The following SCAP variants were observed in gnomAD, a reference collection of about 807,000 sequenced individuals.
SCAP encodes the protein SREBF chaperone, also known as sterol regulatory element-binding protein cleavage-activating protein.
In SCAP, 65 loss-of-function variants were observed where a neutral mutation model predicts 123.6. That is an observed-to-expected ratio of 0.53 (90% CI 0.43 to 0.65). SCAP has a LOEUF of 0.65. SCAP is among the 30% of genes least tolerant of loss of function. The probability of loss-of-function intolerance (pLI) is 0.00; values close to 1 mark genes in which losing one functional copy is unlikely to be tolerated. For synonymous variants in SCAP, 740 were observed against 726.3 expected, an observed-to-expected ratio of 1.02 and a Z score of -0.30; for missense variants, 1,398 against 1,712.5, an observed-to-expected ratio of 0.82 and a Z score of 3.24.
At chr3:47,424,796 G>A (rs1706053072) in intron 8 of SCAP, among the ~76,000 whole-genome samples, 1 of 152,144 alleles carries the variant, frequency 6.6e-6, no homozygotes, top group East Asian at 1.9e-4. Flanking sequence ...CATACGACCA[G>A]CCTGATGGGC....
In SCAP at chr3:47,414,909, G is replaced by A; in HGVS notation, c.3224C>T (p.Pro1075Leu). ...TGTGATGGGTTTTTGGTGTGCACAG[G>A]GCACTGTGTGGGTCAGGTGACAGGC... is the stretch of plus-strand genomic sequence containing the variant. ...TVACHLTHTVPCAHQKPITAL... is the reference protein window; with the variant it reads ...TVACHLTHTVLCAHQKPITAL... The change falls in exon 20 of 23, where the codon CCC becomes CTC. Residue 1075 changes from proline to leucine, a missense_variant. Physicochemically the swap from Pro to Leu is moderately conservative, Grantham distance 98 (BLOSUM62 -3). This residue lies in a region of SCAP where 828 missense variants were observed against 882.5 expected (regional missense o/e 0.94). Coordinates refer to ENST00000265565, the MANE Select transcript of SCAP (RefSeq NM_012235.4). The A allele has an allele frequency of 6.2e-7, 1 of 1,612,834 alleles. No homozygotes were observed. The highest frequency in any genetic ancestry group is 8.5e-7 in the Non-Finnish European group (1 of 1,179,828).
intron 18 of SCAP, among the ~76,000 whole-genome samples, chr3:47,416,887 A>G (rs2107756658): frequency 6.6e-6 from 1 of 151,406 alleles, no homozygotes; most frequent in South Asian, 2.1e-4. Flanking sequence ...CGGCCTCCCA[A>G]AGTGCTGGGA....
rs905490923 is a variant in SCAP at position 47,422,549 on chromosome 3, G to C, written c.1151-13C>G. ...TCGCTGCTTAGGCCTGCAGAGGGCA[G>C]CAACAGGGCACAGGGCAACACATGG... On this transcript the variant is annotated splice_polypyrimidine_tract_variant and intron_variant, in intron 9 of 22. Transcript: ENST00000265565. 5.6e-6 allele frequency: 9 copies of C among 1,604,398 alleles called. No individual in the cohort carries two copies. The highest frequency in any genetic ancestry group is 7.7e-6 in the Non-Finnish European group (9 of 1,173,428).
chr3:47,446,292 GC>G (rs1299742660), intron 1 of SCAP, among the ~76,000 whole-genome samples: 1 of 151,750 alleles, frequency 6.6e-6, no homozygotes, highest in Non-Finnish European at 1.5e-5. Context: ...TCCTGCCTCA[GC>G]CTACCAAGTA....
At position 47,422,474 on chromosome 3, in the gene SCAP, TGAG is replaced by T. The variant is rs1705945720; in HGVS notation, c.1210_1212del (p.Leu404del). On this transcript the variant is annotated inframe_deletion, in exon 10 of 23. Coordinates refer to ENST00000265565, the MANE Select transcript of SCAP (RefSeq NM_012235.4). ...GCGGGCACTAGGGTGAAGTAGCCGA[TGAG>T]GATGATGCCCAGCTCCGTGGCCATG... 6.2e-7 allele frequency: 1 copy of T among 1,613,688 alleles called. No individual in the cohort carries two copies. Among genetic ancestry groups the T allele is most frequent in the African/African-American group, 1.3e-5 (1 of 74,932 alleles).
intron 9 of SCAP, among the ~76,000 whole-genome samples, chr3:47,423,020 T>A (rs559650722): frequency 2.6e-5 from 4 of 152,222 alleles, no homozygotes; most frequent in Non-Finnish European, 5.9e-5. Flanking sequence ...GCTATCACAC[T>A]GTCGCATGTC....
chr3:47,418,064 T>C, intron 16 of SCAP, 70 bp downstream of exon 16: 3 of 941,384 alleles, frequency 3.2e-6, no homozygotes, highest in East Asian at 7.5e-5. Context: ...GGAGGGGAGA[T>C]ACGTGGCGGC....
chr3:47,418,626 T>TTACCCCC, intron 14 of SCAP, 29 bp downstream of exon 14: 4 of 1,459,540 alleles, frequency 2.7e-6, no homozygotes, highest in Non-Finnish European at 2.8e-6. Context: ...CCGCACTCTT[T>TTACCCCC]CCCACCCCAC....
At position 47,439,195 on chromosome 3, in the gene SCAP, G is replaced by A. The variant is rs1706704977; in HGVS notation, c.122+3677C>T. Among the ~76,000 whole-genome samples the A allele has an allele frequency of 6.6e-6, 1 of 152,076 alleles. No homozygotes were observed. Among genetic ancestry groups the A allele is most frequent in the Non-Finnish European group, 1.5e-5 (1 of 68,006 alleles). On this transcript the variant is annotated intron_variant, in intron 2 of 22. Transcript: ENST00000265565. This position sits in a 1 kb window ranked among gnomAD's most constrained non-coding sequence, Gnocchi z 4.0. ...AGGCTGAAGTGGGCAGGTTACTTGA[G>A]GTCAGGAGTTTGACACCAGTCTGGC...
intron 4 of SCAP, among the ~76,000 whole-genome samples, chr3:47,427,929 T>C (rs987163469): frequency 4.6e-5 from 7 of 152,142 alleles, no homozygotes; most frequent in African/African-American, 1.4e-4. Flanking sequence ...TATAAGAGCA[T>C]GCACAACCCC....
intron 1 of SCAP, among the ~76,000 whole-genome samples, chr3:47,472,391 G>A (rs1485005391): frequency 4.7e-5 from 7 of 149,598 alleles, no homozygotes; most frequent in Admixed American, 6.7e-5. Context: ...CCGAGATTGC[G>A]CCACTGCAGT....
In SCAP at chr3:47,443,299, CT is replaced by C. The variant is rs1174267855; in HGVS notation, c.-98-209del. ...ACACTCTCTCTCTCTCTCTCTCTCT[CT>C]CTCTCTCTCTCCCTCCCCGCCCAAC... On this transcript the variant is annotated intron_variant, in intron 1 of 22. Transcript: ENST00000265565. The C allele has an allele frequency of 6.2e-4, 133 of 213,656 alleles. 1 individual carries two copies. The highest frequency in any genetic ancestry group is 9.1e-4 in the Admixed American group (18 of 19,688). The allele number at this position is 213,656 out of a possible 1,614,324, so 13.2% of individuals were successfully genotyped here.
At chr3:47,421,051 A>AT in intron 10 of SCAP, 22 bp from the exon 11 acceptor site, 1 of 1,595,356 alleles carries the variant, frequency 6.3e-7, no homozygotes, top group Non-Finnish European at 8.6e-7. Flanking sequence ...GCACATGGGG[A>AT]TGGGGGGGTG....
intron 21 of SCAP, 41 bp from the exon 22 acceptor site, chr3:47,414,427 A>G: frequency 6.2e-7 from 1 of 1,608,668 alleles, no homozygotes; most frequent in Non-Finnish European, 8.5e-7. Context: ...CCATGGTGTA[A>G]TACCTCTGTC....
At chr3:47,429,500 C>T (rs949529077) in intron 3 of SCAP, among the ~76,000 whole-genome samples, 11 of 152,200 alleles carry the variant, frequency 7.2e-5, no homozygotes, top group Non-Finnish European at 1.5e-5. Context: ...GTGTGTGCAC[C>T]ACCACCACGC....
rs1706152874 is a variant in SCAP, at chr3:47,426,782, AC to A, written c.737+374del. On this transcript the variant is annotated intron_variant, in intron 6 of 22. Coordinates refer to ENST00000265565, the MANE Select transcript of SCAP (RefSeq NM_012235.4). The stretch of plus-strand genomic sequence containing the variant: ...AGGCCTAGGAGAGCCGATCAGAAGC[AC>A]CTCGAGTGCCCTTGCCAATTGGGGA... Among the ~76,000 whole-genome samples the A allele has an allele frequency of 4.6e-5, 7 of 152,252 alleles. No homozygotes were observed. In the South Asian group the frequency reaches 1.5e-3, roughly 32 times the overall value.
chr3:47,420,717 G>A lies in SCAP; in HGVS notation c.1400C>T (p.Pro467Leu). 6.2e-7 allele frequency: 1 copy of A among 1,611,380 alleles called. No homozygotes were observed. The highest frequency in any genetic ancestry group is 8.5e-7 in the Non-Finnish European group (1 of 1,179,952). ...PPEACLPSAK[P>L]VGQPTRYERQ... ...CTCGTAGCGCGTTGGCTGTCCCACT[G>A]GCTTGGCTGAGGGCAGGCAGGCCTC... is the stretch of plus-strand genomic sequence containing the variant. The change falls in exon 12 of 23, where the codon CCA (proline) becomes CTA (leucine). Residue 467 changes from proline (P) to leucine (L), a missense_variant. Physicochemically the swap from Pro to Leu is moderately conservative, Grantham distance 98. Transcript: ENST00000265565. The surrounding 1 kb of genome is among the most constrained non-coding windows in gnomAD (Gnocchi z 5.0).
At chr3:47,423,900 G>T in intron 9 of SCAP, 33 bp downstream of exon 9, 2 of 1,480,494 alleles carry the variant, frequency 1.4e-6, no homozygotes, top group Non-Finnish European at 1.9e-6. Flanking sequence ...AGCCCCTCCT[G>T]CAGCCCTCTG....
chr3:47,433,597 T>C (rs1298889188), intron 3 of SCAP, among the ~76,000 whole-genome samples: 2 of 152,220 alleles, frequency 1.3e-5, no homozygotes, highest in Non-Finnish European at 2.9e-5. Context: ...CCGGACACAA[T>C]GGCTCACGCC....
Sources: allele counts gnomAD v4.1 joint callset (sites outside exome capture counted in the v4.1 genomes callset), GRCh38; gene constraint gnomAD v4.1.1; regional missense constraint gnomAD v4.1.1; non-coding constraint Gnocchi (gnomAD v3.1); transcripts MANE v1.5; gene names NCBI Gene and HGNC (gene_info 2026-07-23, HGNC 2026-07-21).